FKBP7: variants seen among roughly 807,000 people sequenced by gnomAD.
FKBP7 encodes FKBP prolyl isomerase 7.
Under a neutral mutation model 24.3 loss-of-function variants are expected in FKBP7, and 24 were observed. The observed-to-expected ratio is 0.99, with a 90% confidence interval of 0.72 to 1.39. FKBP7 has a LOEUF of 1.39. Ranked by LOEUF, FKBP7 falls within the 40% of genes most tolerant of loss-of-function variation. The pLI is 0.00. For missense variants in FKBP7, 257 were observed against 269.5 expected, an observed-to-expected ratio of 0.95 and a Z score of 0.33; for synonymous variants, 98 against 92.8, an observed-to-expected ratio of 1.06 and a Z score of -0.32.
chr2:178,476,235 A>G (rs1431319863), intron 2 of FKBP7, among the ~76,000 whole-genome samples: 1 of 152,240 alleles, frequency 6.6e-6, no homozygotes, highest in African/African-American at 2.4e-5. Flanking sequence ...ATGTCATATT[A>G]TCCTTATAAG....
chr2:178,478,530 G>C lies in FKBP7; in HGVS notation c.-31C>G, dbSNP rs1313737419. ...CCAGCAGAACACTGCTCTCCCTCCCGCGTGTCACTCGCGCCCCGTGGATGT... is the reference window on the plus strand; with the variant it reads ...CCAGCAGAACACTGCTCTCCCTCCCCCGTGTCACTCGCGCCCCGTGGATGT... On this transcript the variant is annotated 5_prime_UTR_variant, in exon 1 of 4. Transcript: ENST00000424785. 1.2e-6 allele frequency: 2 copies of C among 1,610,612 alleles called. No homozygotes were observed. The highest frequency in any genetic ancestry group is 4.5e-5 in the East Asian group (2 of 44,868).
In FKBP7 at chr2:178,469,705, C is replaced by T. The variant is rs1408846345; in HGVS notation, c.454G>A (p.Glu152Lys). Reference protein sequence around the residue: ...YAVTKGPRSIETFKQIDMDND... With the variant: ...YAVTKGPRSIKTFKQIDMDND... The stretch of plus-strand genomic sequence containing the variant: ...TCCATGTCTATTTGTTTAAATGTCT[C>T]AATGCTCCGTGGTCCTTTGGTCACA... Residue 152 changes from glutamate to lysine, a missense_variant, in exon 3 of 4, where the codon GAG becomes AAG. Glu to Lys is a moderately conservative substitution (Grantham distance 56). Transcript: ENST00000424785. The T allele has an allele frequency of 1.2e-6, 2 of 1,614,002 alleles. No homozygotes were observed. Among genetic ancestry groups the T allele is most frequent in the South Asian group, 1.1e-5 (1 of 91,038 alleles).
At position 178,469,687 on chromosome 2, in the gene FKBP7, C is replaced by G. The variant is rs749871344; in HGVS notation, c.472G>C (p.Asp158His). 1 of 1,613,980 alleles carries G rather than the reference C, an allele frequency of 6.2e-7. No homozygotes were observed. The highest frequency in any genetic ancestry group is 8.5e-7 in the Non-Finnish European group (1 of 1,179,966). ...GAGAGCTGCCTGTCATTGTCCATGT[C>G]TATTTGTTTAAATGTCTCAATGCTC... Reference protein sequence around the residue: ...PRSIETFKQIDMDNDRQLSKA... With the variant: ...PRSIETFKQIHMDNDRQLSKA... Residue 158 changes from aspartate (D) to histidine (H), a missense_variant, in exon 3 of 4, where the codon GAC becomes CAC. Asp to His is a moderately conservative substitution (Grantham distance 81). Coordinates refer to ENST00000424785, the MANE Select transcript of FKBP7 (RefSeq NM_181342.3).
Position 178,477,209 on chromosome 2 carries a change from T to C in FKBP7, c.226A>G (p.Thr76Ala), listed in dbSNP as rs749474250. 1.9e-5 allele frequency: 30 copies of C among 1,609,940 alleles called. No homozygotes were observed. Among genetic ancestry groups the C allele is most frequent in the Non-Finnish European group, 2.3e-5 (27 of 1,179,082 alleles). The change falls in exon 2 of 4, where the codon ACA (threonine) becomes GCA (alanine). Residue 76 changes from threonine to alanine, a missense_variant. Transcript: ENST00000424785. ...CATTTGGGGTGGCCTTCATTTTGTG[T>C]CCGGCTATAACAAAAAGCAATACTT... ...KDGSKFYCSR[T>A]QNEGHPKWFV...
intron 2 of FKBP7, among the ~76,000 whole-genome samples, chr2:178,476,822 C>T (rs77651109): frequency 0.013 from 1,876 of 149,564 alleles, 21 homozygotes; most frequent in Middle Eastern, 0.059. Flanking sequence ...GGATTACAGG[C>T]ATGAGCCACT....
At chr2:178,469,583 T>C (rs908626997) in intron 3 of FKBP7, 69 bp downstream of exon 3, 6 of 1,529,144 alleles carry the variant, frequency 3.9e-6, no homozygotes, top group Middle Eastern at 1.7e-4. Context: ...AAAGTAATAG[T>C]TGTAACACAG....
chr2:178,465,495 A>G lies in FKBP7; in HGVS notation c.*275T>C, dbSNP rs903410608. The G allele has an allele frequency of 1.7e-5, 4 of 239,606 alleles. No homozygotes were observed. Among genetic ancestry groups the G allele is most frequent in the Non-Finnish European group, 3.2e-5 (4 of 126,356 alleles). The allele number at this position is 239,606 out of a possible 1,614,324, so 14.8% of individuals were successfully genotyped here. ...TATACATGTCCTCCTACATCCTGAA[A>G]GGGGAAAAAATGCCCACTGGGACCC... On this transcript the variant is annotated 3_prime_UTR_variant, in exon 4 of 4. Transcript: ENST00000424785.
chr2:178,477,025 T>C, intron 2 of FKBP7, 37 bp downstream of exon 2: 1 of 1,451,306 alleles, frequency 6.9e-7, no homozygotes, highest in Non-Finnish European at 9.4e-7. Context: ...ATTTTTTAAA[T>C]ATAACTAAAA....
At position 178,465,821 on chromosome 2, in the gene FKBP7, A is replaced by T; in HGVS notation, c.618T>A (p.Asp206Glu). ...DIFKKNDHDG[D>E]GFISPKEYNV... ...TGTATTCCTTGGGAGAAATGAAGCC[A>T]TCACCATCATGGTCATTCTTCTTAA... Residue 206 changes from aspartate (D) to glutamate (E), a missense_variant, in exon 4 of 4, where the codon GAT becomes GAA. Transcript: ENST00000424785. 8 of 1,611,360 alleles carry T rather than the reference A, an allele frequency of 5.0e-6. No homozygotes were observed. Among genetic ancestry groups the T allele is most frequent in the Non-Finnish European group, 5.9e-6 (7 of 1,178,804 alleles).
At chr2:178,467,691 T>C (rs537991254) in intron 3 of FKBP7, 2 of 152,358 alleles carry the variant, frequency 1.3e-5, no homozygotes, top group East Asian at 3.9e-4. Context: ...CATAGACATC[T>C]GGGGAAATTG....
At chr2:178,466,926 A>G (rs1203574012) in intron 3 of FKBP7, among the ~76,000 whole-genome samples, 17 of 152,322 alleles carry the variant, frequency 1.1e-4, no homozygotes, top group Admixed American at 1.0e-3. Context: ...TTAGCAATAC[A>G]TATCCCAGGG....
intron 2 of FKBP7, among the ~76,000 whole-genome samples, chr2:178,471,873 T>C (rs17225700): frequency 0.058 from 8,898 of 152,220 alleles, 336 homozygotes; most frequent in Non-Finnish European, 0.084. Flanking sequence ...GATCTACCCA[T>C]GCATCATATG....
chr2:178,467,363 T>A lies in FKBP7; in HGVS notation c.508-1432A>T, dbSNP rs555711415. ...TTTCTTTTTCTTTTTTAAATGTTCCTTCCTGTACACTGATGAAATAGTTTA... is the reference window on the plus strand; with the variant it reads ...TTTCTTTTTCTTTTTTAAATGTTCCATCCTGTACACTGATGAAATAGTTTA... On this transcript the variant is annotated intron_variant, in intron 3 of 3. Coordinates refer to ENST00000424785, the MANE Select transcript of FKBP7 (RefSeq NM_181342.3). 1.4e-3 allele frequency among the ~76,000 whole-genome samples: 219 copies of A among 152,354 alleles called. 5 individuals are homozygous for A. The South Asian group carries it at 0.022, about 16-fold the overall frequency.
rs768968772 is a variant in FKBP7 at position 178,469,833 on chromosome 2, A to G, written c.374-48T>C. 3.3e-6 allele frequency: 5 copies of G among 1,505,830 alleles called. No individual in the cohort carries two copies. The South Asian group carries it at 5.9e-5, about 18-fold the overall frequency. The allele number at this position is 1,505,830 out of a possible 1,614,324, so 93.3% of individuals were successfully genotyped here. A position where few individuals can be genotyped will look rare whatever the true frequency, so the allele number is the denominator to read the frequency against. ...TTTAACTTATGTAAAGATATAGTTCAAATATCTATTCATGAACTGCCATAA... is the reference window on the plus strand; with the variant it reads ...TTTAACTTATGTAAAGATATAGTTCGAATATCTATTCATGAACTGCCATAA... On this transcript the variant is annotated intron_variant, in intron 2 of 3. Coordinates refer to ENST00000424785, the MANE Select transcript of FKBP7 (RefSeq NM_181342.3).
intron 2 of FKBP7, among the ~76,000 whole-genome samples, chr2:178,472,742 G>A (rs529459184): frequency 1.3e-5 from 2 of 151,174 alleles, no homozygotes; most frequent in African/African-American, 4.9e-5. Context: ...CCAGCTCCTC[G>A]GAGGCTGAGG....
At position 178,478,493 on chromosome 2, in the gene FKBP7, T is replaced by C; in HGVS notation, c.7A>G (p.Lys3Glu). ...AATCTGAATAAGAAATGCATGGTTT[T>C]TGGCATCGGCTCCAGCAGAACACTG... MP[K>E]TMHFLFRFIV... The change falls in exon 1 of 4, where the codon AAA (lysine) becomes GAA (glutamate). Residue 3 changes from lysine to glutamate, a missense_variant. Physicochemically the swap from Lys to Glu is moderately conservative, Grantham distance 56. Coordinates refer to ENST00000424785, the MANE Select transcript of FKBP7 (RefSeq NM_181342.3). The C allele has an allele frequency of 6.2e-7, 1 of 1,614,022 alleles. No homozygotes were observed. The highest frequency in any genetic ancestry group is 8.5e-7 in the Non-Finnish European group (1 of 1,180,022).
Position 178,465,221 on chromosome 2 carries a change from G to A in FKBP7, c.*549C>T, listed in dbSNP as rs778577381. ...CCAAAAAGTTTAGAGACTGTGTTGC[G>A]TTCTTTGTGGAACAGAGATATACAA... On this transcript the variant is annotated 3_prime_UTR_variant, in exon 4 of 4. Transcript: ENST00000424785. 6 of 152,120 alleles carry A rather than the reference G, an allele frequency of 3.9e-5. No homozygotes were observed. The highest frequency in any genetic ancestry group is 2.1e-4 in the South Asian group (1 of 4,828). The allele number at this position is 152,120 out of a possible 1,614,324, so 9.4% of individuals were successfully genotyped here.
chr2:178,472,838 C>T lies in FKBP7; in HGVS notation c.374-3053G>A, dbSNP rs540969109. ...CTGCGCTCCAATCTGGGTGACAGAG[C>T]AAGACTCCATCTCAAAAAAAAAAAA... On this transcript the variant is annotated intron_variant, in intron 2 of 3. Coordinates refer to ENST00000424785, the MANE Select transcript of FKBP7 (RefSeq NM_181342.3). Among the ~76,000 whole-genome samples, 190 of 90,582 alleles carry T rather than the reference C, an allele frequency of 2.1e-3. 5 individuals are homozygous for T. The South Asian group carries it at 0.038, about 18-fold the overall frequency. The allele number at this position is 90,582 out of a possible 152,430, so 59.4% of individuals were successfully genotyped here.
intron 3 of FKBP7, among the ~76,000 whole-genome samples, chr2:178,466,204 T>C (rs1684651644): frequency 6.6e-6 from 1 of 152,172 alleles, no homozygotes; most frequent in South Asian, 2.1e-4. Flanking sequence ...TTGTTGAAAC[T>C]AAATGCTTTC....
Sources: gnomAD v4.1 joint callset for allele counts (sites outside exome capture counted in the v4.1 genomes callset) on GRCh38, gnomAD v4.1.1 for gene constraint, MANE v1.5 for transcripts, NCBI Gene and HGNC (gene_info 2026-07-23, HGNC 2026-07-21) for gene names.